Variants in WWOX observed in about 807,000 individuals in gnomAD.
WWOX encodes WW domain containing oxidoreductase.
In WWOX, 69 loss-of-function variants were observed where a neutral mutation model predicts 46.2. The observed-to-expected ratio is 1.49, with a 90% confidence interval of 1.23 to 1.82. The LOEUF (loss-of-function observed/expected upper bound fraction) is 1.82. Ranked by LOEUF, WWOX falls within the 40% of genes most tolerant of loss-of-function variation. The pLI is 0.00. For missense variants in WWOX, 919 were observed against 542.6 expected (o/e 1.69, Z -6.89); for synonymous variants, 359 against 202.6 (o/e 1.77, Z -6.56).
intron 5 of WWOX, among the ~76,000 whole-genome samples, chr16:78,169,609 T>G (rs531587910): frequency 1.3e-5 from 2 of 152,250 alleles, no homozygotes; most frequent in Non-Finnish European, 2.9e-5. Flanking sequence ...GAGTTCCTCC[T>G]TCTTCTGTTT....
At chr16:78,281,581 A>C (rs1393228934) in intron 5 of WWOX, among the ~76,000 whole-genome samples, 1 of 152,186 alleles carries the variant, frequency 6.6e-6, no homozygotes, top group Non-Finnish European at 1.5e-5. Context: ...GTTTGTTGCC[A>C]ACTACTCAAC....
intron 8 of WWOX, among the ~76,000 whole-genome samples, chr16:79,171,139 G>A (rs2050692194): frequency 6.6e-6 from 1 of 152,194 alleles, no homozygotes; most frequent in South Asian, 2.1e-4. Flanking sequence ...GCTTGCAGGA[G>A]TTGCCTTGGA....
intron 8 of WWOX, among the ~76,000 whole-genome samples, chr16:78,798,477 C>T (rs2050801287): frequency 6.6e-6 from 1 of 152,010 alleles, no homozygotes; most frequent in African/African-American, 2.4e-5. Context: ...TGTACTCATG[C>T]CCCAGAAATT....
At chr16:78,873,833 A>G (rs887745796) in intron 8 of WWOX, among the ~76,000 whole-genome samples, 4 of 151,926 alleles carry the variant, frequency 2.6e-5, no homozygotes, top group South Asian at 2.1e-4. Context: ...TTGGAAGGCT[A>G]TGTTTTTTTG....
intron 5 of WWOX, among the ~76,000 whole-genome samples, chr16:78,255,883 C>T (rs1404849151): frequency 1.3e-5 from 2 of 152,050 alleles, no homozygotes; most frequent in Admixed American, 6.5e-5. Context: ...GTGGCTCGCG[C>T]CTGTAATCTC....
At chr16:78,154,320 T>C (rs571767745) in intron 4 of WWOX, among the ~76,000 whole-genome samples, 1 of 152,190 alleles carries the variant, frequency 6.6e-6, no homozygotes, top group South Asian at 2.1e-4. Context: ...TGTAAATGGA[T>C]AAAATAATAA....
At chr16:79,011,167 A>ACACACACACT (rs1194241102) in intron 8 of WWOX, among the ~76,000 whole-genome samples, 6 of 131,562 alleles carry the variant, frequency 4.6e-5, no homozygotes, top group South Asian at 5.1e-4. Context: ...ACACACACAC[A>ACACACACACT]CACACACTTT....
At chr16:78,791,340 G>A (rs753478612) in intron 8 of WWOX, among the ~76,000 whole-genome samples, 1 of 152,122 alleles carries the variant, frequency 6.6e-6, no homozygotes, top group East Asian at 1.9e-4. Context: ...GCAGTCTCAG[G>A]TTTATGTATT....
intron 8 of WWOX, among the ~76,000 whole-genome samples, chr16:78,855,609 G>T (rs2052547527): frequency 6.6e-6 from 1 of 152,204 alleles, no homozygotes; most frequent in Non-Finnish European, 1.5e-5. Context: ...TAGCCCATCA[G>T]ATTCTAGAGC....
chr16:78,144,313 T>A (rs1187083750), intron 4 of WWOX, among the ~76,000 whole-genome samples: 1 of 149,790 alleles, frequency 6.7e-6, no homozygotes, highest in Non-Finnish European at 1.5e-5. Context: ...CATGGGAGAA[T>A]CTGAGATACA....
intron 8 of WWOX, among the ~76,000 whole-genome samples, chr16:78,599,353 G>A (rs1226208763): frequency 6.6e-6 from 1 of 152,194 alleles, no homozygotes; most frequent in African/African-American, 2.4e-5. Flanking sequence ...CCTTGGGCTT[G>A]AGACTCTGCA....
At chr16:78,996,473 T>G in intron 8 of WWOX, 2 of 270,310 alleles carry the variant, frequency 7.4e-6, no homozygotes, top group Non-Finnish European at 1.1e-5. Context: ...GCCGGACCCA[T>G]GGGTATGCAT....
At chr16:78,106,794 C>G (rs115129582) in intron 1 of WWOX, among the ~76,000 whole-genome samples, 1 of 152,210 alleles carries the variant, frequency 6.6e-6, no homozygotes, top group African/African-American at 2.4e-5. Flanking sequence ...CTACTGATAC[C>G]GTAGCTGGTA....
At chr16:78,617,654 T>C (rs1597354602) in intron 8 of WWOX, among the ~76,000 whole-genome samples, 2 of 152,250 alleles carry the variant, frequency 1.3e-5, no homozygotes, top group East Asian at 1.9e-4. Context: ...CCCCTGCTCC[T>C]CAAGCTTGCA....
At chr16:78,323,405 G>T (rs561639315) in intron 5 of WWOX, among the ~76,000 whole-genome samples, 3 of 152,106 alleles carry the variant, frequency 2.0e-5, no homozygotes, top group African/African-American at 7.2e-5. Flanking sequence ...GCGCCCGGCC[G>T]GGGATCTTGT....
intron 8 of WWOX, among the ~76,000 whole-genome samples, chr16:78,845,725 A>T (rs1273594011): frequency 2.0e-5 from 3 of 152,200 alleles, no homozygotes; most frequent in African/African-American, 7.2e-5. Flanking sequence ...ACTCATTTTA[A>T]GTGACAAAAT....
Position 79,135,021 on chromosome 16 carries a change from ATTGGATTAAT to A in WWOX, c.1057-76584_1057-76575del, listed in dbSNP as rs552147246. ...ATTGAAATGAGGGCTTATGCTGTTC[ATTGGATTAAT>A]TTTTCTCTCTTATAAATAAAAAATA... is the stretch of plus-strand genomic sequence containing the variant. On this transcript the variant is annotated intron_variant, in intron 8 of 8. Coordinates refer to ENST00000566780, the MANE Select transcript of WWOX (RefSeq NM_016373.4). 9.2e-5 allele frequency among the ~76,000 whole-genome samples: 14 copies of A among 152,312 alleles called. No individual in the cohort carries two copies. The East Asian group carries it at 2.7e-3, about 29-fold the overall frequency.
intron 8 of WWOX, among the ~76,000 whole-genome samples, chr16:78,545,726 C>A (rs772142902): frequency 6.6e-6 from 1 of 152,184 alleles, no homozygotes; most frequent in African/African-American, 2.4e-5. Context: ...CTTACTGTCT[C>A]ACAGTTCTGG....
intron 8 of WWOX, among the ~76,000 whole-genome samples, chr16:78,624,663 C>A (rs1184307569): frequency 6.6e-6 from 1 of 152,074 alleles, no homozygotes; most frequent in Admixed American, 6.6e-5. Context: ...GGGAAAAAAC[C>A]CTCACTTTTA....
Sources: gnomAD v4.1 joint callset for allele counts (sites outside exome capture counted in the v4.1 genomes callset) on GRCh38, gnomAD v4.1.1 for gene constraint, MANE v1.5 for transcripts, NCBI Gene and HGNC (gene_info 2026-07-23, HGNC 2026-07-21) for gene names.